Variants in CDH13 observed in about 807,000 individuals in gnomAD.
The protein encoded by CDH13 is cadherin-13.
In CDH13, 24 loss-of-function variants were observed where a neutral mutation model predicts 63.8. The ratio of observed to expected loss-of-function variants is 0.38; its 90% CI spans 0.27 to 0.53. The LOEUF is 0.53. Among genes scored for constraint, CDH13 ranks in the 20% least tolerant of loss-of-function variants. The probability of loss-of-function intolerance (pLI) is 0.85; values close to 1 mark genes in which losing one functional copy is unlikely to be tolerated. For missense variants in CDH13, 1,049 were observed against 903.1 expected (o/e 1.16, Z -2.07); for synonymous variants, 503 against 355.3 (o/e 1.42, Z -4.67).
intron 6 of CDH13, among the ~76,000 whole-genome samples, chr16:83,422,941 A>G (rs920419947): frequency 6.6e-6 from 1 of 152,214 alleles, no homozygotes; most frequent in Non-Finnish European, 1.5e-5. Context: ...CTGAGTACCC[A>G]CTATATGTAA....
chr16:83,261,766 G>A (rs1907023631), intron 5 of CDH13, among the ~76,000 whole-genome samples: 4 of 150,570 alleles, frequency 2.7e-5, no homozygotes, highest in Admixed American at 2.6e-4. Context: ...AAGCGAATAA[G>A]TGGCAGAGCT....
intron 4 of CDH13, among the ~76,000 whole-genome samples, chr16:83,204,118 G>T (rs530183713): frequency 3.9e-5 from 6 of 152,204 alleles, no homozygotes; most frequent in Admixed American, 3.9e-4. Context: ...GTCACACGGA[G>T]TTCCGATTGG....
intron 1 of CDH13, among the ~76,000 whole-genome samples, chr16:82,721,061 A>T (rs1012931332): frequency 1.3e-5 from 2 of 152,256 alleles, no homozygotes; most frequent in Non-Finnish European, 2.9e-5. Flanking sequence ...AAGTATAACC[A>T]GGGATGCAAA....
intron 7 of CDH13, among the ~76,000 whole-genome samples, chr16:83,539,054 G>A (rs192643512): frequency 1.3e-5 from 2 of 151,966 alleles, no homozygotes; most frequent in African/African-American, 4.8e-5. Context: ...GGCATACAAA[G>A]TGTTTTCGAA....
chr16:83,763,643 T>C (rs1257223976), intron 11 of CDH13, among the ~76,000 whole-genome samples: 7 of 152,220 alleles, frequency 4.6e-5, no homozygotes, highest in Admixed American at 1.3e-4. Context: ...ATGAAGCCAT[T>C]AGTTATGATG....
chr16:83,160,036 A>G (rs563902925), intron 4 of CDH13, among the ~76,000 whole-genome samples: 170 of 152,174 alleles, frequency 1.1e-3, no homozygotes, highest in Non-Finnish European at 1.6e-3. Flanking sequence ...ATATCACACC[A>G]CTGCATTCCA....
chr16:83,110,291 T>C (rs563055420), intron 3 of CDH13, among the ~76,000 whole-genome samples: 3 of 152,230 alleles, frequency 2.0e-5, no homozygotes, highest in Non-Finnish European at 4.4e-5. Flanking sequence ...CGATGTTTAA[T>C]TGGCATGTCT....
In CDH13 at chr16:82,951,967, C is replaced by T. The variant is rs79348551; in HGVS notation, c.158-80043C>T. Reference sequence around the variant, plus strand: ...TAGTGCAAGGTTTACAAGACTCCCTCCCAACAGGGTCGTCATCTCAACACA... The same window carrying T: ...TAGTGCAAGGTTTACAAGACTCCCTTCCAACAGGGTCGTCATCTCAACACA... On this transcript the variant is annotated intron_variant, in intron 2 of 13. Transcript: ENST00000567109. Among the ~76,000 whole-genome samples, 845 of 152,322 alleles carry T rather than the reference C, an allele frequency of 5.5e-3. 9 individuals carry two copies. The highest frequency in any genetic ancestry group is 0.02 in the African/African-American group (814 of 41,574).
rs1053898556 is a variant in CDH13 at position 83,748,355 on chromosome 16, T to A, written c.1681+105T>A. The stretch of plus-strand genomic sequence containing the variant: ...CACCCAGGGGTGTTCTTGGGAAGAA[T>A]GTAAGTGTGTGGGAACAGCAAAGTA... On this transcript the variant is annotated intron_variant, in intron 11 of 13. Transcript: ENST00000567109. 3.3e-5 allele frequency: 34 copies of A among 1,017,014 alleles called. No homozygotes were observed. The South Asian group carries it at 5.2e-4, about 16-fold the overall frequency. 63.0% of individuals were successfully genotyped at this position (1,017,014 alleles called of 1,614,324 possible). A position where few individuals can be genotyped will look rare whatever the true frequency, so the allele number is the denominator to read the frequency against.
At chr16:82,786,205 G>A (rs2035994595) in intron 1 of CDH13, among the ~76,000 whole-genome samples, 1 of 152,126 alleles carries the variant, frequency 6.6e-6, no homozygotes, top group Non-Finnish European at 1.5e-5. Flanking sequence ...GAAGTAGAAG[G>A]CAAAGAATTG....
At chr16:83,243,349 G>A (rs763635717) in intron 5 of CDH13, among the ~76,000 whole-genome samples, 2 of 152,164 alleles carry the variant, frequency 1.3e-5, no homozygotes, top group Non-Finnish European at 2.9e-5. Context: ...CTTACATGGC[G>A]GCAGGGAAGA....
intron 6 of CDH13, among the ~76,000 whole-genome samples, chr16:83,357,145 G>C (rs192078737): frequency 2.6e-5 from 4 of 152,024 alleles, no homozygotes; most frequent in Non-Finnish European, 5.9e-5. Context: ...GGAGGACCTC[G>C]CTGGCCTGTT....
chr16:83,628,782 A>G (rs1017317913), intron 8 of CDH13, among the ~76,000 whole-genome samples: 17 of 152,070 alleles, frequency 1.1e-4, no homozygotes, highest in African/African-American at 4.1e-4. Context: ...CCTTTTTCCC[A>G]CCTGAAACCT....
At chr16:83,748,081 G>C (rs1912755949) in intron 10 of CDH13, 27 bp from the exon 11 acceptor site, 2 of 1,613,512 alleles carry the variant, frequency 1.2e-6, no homozygotes, top group Non-Finnish European at 1.7e-6. Context: ...TGAATGCAGA[G>C]TCTGACATTG....
intron 8 of CDH13, among the ~76,000 whole-genome samples, chr16:83,669,802 A>G (rs1914341230): frequency 6.6e-6 from 1 of 152,178 alleles, no homozygotes; most frequent in Non-Finnish European, 1.5e-5. Context: ...TCACTTTCCT[A>G]CTAATTGAAA....
At chr16:83,665,910 G>A (rs964872847) in intron 8 of CDH13, among the ~76,000 whole-genome samples, 2 of 152,094 alleles carry the variant, frequency 1.3e-5, no homozygotes, top group African/African-American at 4.8e-5. Context: ...TGTCTTTGTG[G>A]CTCATCCAGG....
At chr16:82,958,933 A>C (rs35355207) in intron 2 of CDH13, among the ~76,000 whole-genome samples, 18,358 of 152,288 alleles carry the variant, frequency 0.12, 1,155 homozygotes, top group South Asian at 0.14. Context: ...TCTACCCCCA[A>C]GGTTTTCCTG....
chr16:83,193,215 A>G (rs1013327544), intron 4 of CDH13, among the ~76,000 whole-genome samples: 1 of 151,970 alleles, frequency 6.6e-6, no homozygotes, highest in African/African-American at 2.4e-5. Context: ...ATACTGAGCC[A>G]TCCTAGATGC....
chr16:83,540,461 C>G (rs1426252506), intron 7 of CDH13, among the ~76,000 whole-genome samples: 1 of 152,292 alleles, frequency 6.6e-6, no homozygotes, highest in Non-Finnish European at 1.5e-5. Flanking sequence ...CCTCCTTGCT[C>G]TTTCTACCCA....
Sources: gnomAD v4.1 joint callset for allele counts (sites outside exome capture counted in the v4.1 genomes callset) on GRCh38, gnomAD v4.1.1 for gene constraint, MANE v1.5 for transcripts, NCBI Gene and HGNC (gene_info 2026-07-23, HGNC 2026-07-21) for gene names.